Variants in CDK14 observed in about 807,000 individuals in gnomAD.
CDK14 encodes the protein cyclin dependent kinase 14, also known as cyclin-dependent kinase 14.
CDK14 carries 34 observed loss-of-function variants against 60.7 expected under a neutral mutation model. That is an observed-to-expected ratio of 0.56 (90% CI 0.43 to 0.75). The LOEUF (loss-of-function observed/expected upper bound fraction) is 0.75. CDK14 is among the 30% of genes least tolerant of loss of function. The pLI is 0.00. For synonymous variants in CDK14, 197 were observed against 203.7 expected, an observed-to-expected ratio of 0.97 and a Z score of 0.28; for missense variants, 482 against 564.1, an observed-to-expected ratio of 0.85 and a Z score of 1.47.
intron 3 of CDK14, among the ~76,000 whole-genome samples, chr7:90,729,199 C>A (rs1389742221): frequency 6.6e-6 from 1 of 151,898 alleles, no homozygotes; most frequent in African/African-American, 2.4e-5. Context: ...GCAAAGACCT[C>A]CACCTTAAAT....
At position 90,872,140 on chromosome 7, in the gene CDK14, C is replaced by T. The variant is rs112010505; in HGVS notation, c.639+8871C>T. On this transcript the variant is annotated intron_variant, in intron 6 of 14. Coordinates refer to ENST00000380050, the MANE Select transcript of CDK14 (RefSeq NM_001287135.2). ...TCATGTGAAGAACTGTGATCTTAGA[C>T]GAGGTAAACCTCCATAAGCCATTTG... Among the ~76,000 whole-genome samples, 8 of 152,258 alleles carry T rather than the reference C, an allele frequency of 5.3e-5. No individual in the cohort carries two copies. The East Asian group carries it at 5.8e-4, about 11-fold the overall frequency.
intron 5 of CDK14, among the ~76,000 whole-genome samples, chr7:90,821,666 T>C (rs1269552867): frequency 6.6e-6 from 1 of 152,216 alleles, no homozygotes; most frequent in Non-Finnish European, 1.5e-5. Context: ...AGCTCCACAA[T>C]GTTCACCACA....
At chr7:90,669,496 A>G (rs1034118113) in intron 2 of CDK14, among the ~76,000 whole-genome samples, 2 of 152,238 alleles carry the variant, frequency 1.3e-5, no homozygotes, top group African/African-American at 4.8e-5. Context: ...AGAGATACCT[A>G]TAATTAGTGA....
At chr7:91,047,188 A>G (rs1329595156) in intron 11 of CDK14, among the ~76,000 whole-genome samples, 1 of 152,210 alleles carries the variant, frequency 6.6e-6, no homozygotes, top group Non-Finnish European at 1.5e-5. Flanking sequence ...GTGGGCTCTT[A>G]AAGAAGGTTA....
chr7:91,094,380 G>C (rs1798919362), intron 12 of CDK14, among the ~76,000 whole-genome samples: 1 of 152,090 alleles, frequency 6.6e-6, no homozygotes, highest in African/African-American at 2.4e-5. Flanking sequence ...AGTCCATTTA[G>C]TAAGGTCAGT....
intron 5 of CDK14, among the ~76,000 whole-genome samples, chr7:90,807,139 C>G: frequency 6.6e-6 from 1 of 152,328 alleles, no homozygotes; most frequent in South Asian, 2.1e-4. Context: ...CAGCACGCAG[C>G]TGGAGATCTG....
chr7:90,649,795 C>CT (rs1432642973), intron 2 of CDK14, among the ~76,000 whole-genome samples: 1 of 152,092 alleles, frequency 6.6e-6, no homozygotes, highest in East Asian at 1.9e-4. Context: ...TGAACTCATC[C>CT]TTTTTTATGG....
intron 2 of CDK14, among the ~76,000 whole-genome samples, chr7:90,622,121 G>C (rs1182859498): frequency 1.3e-5 from 2 of 152,252 alleles, no homozygotes; most frequent in African/African-American, 2.4e-5. Flanking sequence ...TACAATGGAA[G>C]TGCTGCAAGC....
chr7:90,888,274 C>T lies in CDK14; in HGVS notation c.640-11017C>T, dbSNP rs148679790. Among the ~76,000 whole-genome samples, 770 of 152,096 alleles carry T rather than the reference C, an allele frequency of 5.1e-3. 7 individuals are homozygous for T. The highest frequency in any genetic ancestry group is 0.03 in the East Asian group (153 of 5,170). ...CTGAGGCAGGAGAATCGCTTGAACC[C>T]GGAAGGCAGAGGTTCCAGTAAGCTG... On this transcript the variant is annotated intron_variant, in intron 6 of 14. Coordinates refer to ENST00000380050, the MANE Select transcript of CDK14 (RefSeq NM_001287135.2).
intron 14 of CDK14, among the ~76,000 whole-genome samples, chr7:91,198,955 T>A (rs1802633727): frequency 6.6e-6 from 1 of 152,212 alleles, no homozygotes; most frequent in Admixed American, 6.5e-5. Context: ...TTTTTAGTTG[T>A]TTTATGAGAT....
intron 5 of CDK14, among the ~76,000 whole-genome samples, chr7:90,807,483 G>A (rs1350094868): frequency 2.0e-5 from 3 of 152,162 alleles, no homozygotes; most frequent in African/African-American, 7.2e-5. Context: ...CATCATCAAA[G>A]ACCAAAGGTA....
At chr7:91,127,011 T>C (rs1439442413) in intron 14 of CDK14, among the ~76,000 whole-genome samples, 1 of 152,106 alleles carries the variant, frequency 6.6e-6, no homozygotes, top group African/African-American at 2.4e-5. Context: ...GGAAATGTCA[T>C]GACTTCGAGG....
chr7:91,008,538 C>T (rs1796059072), intron 10 of CDK14, among the ~76,000 whole-genome samples: 1 of 152,080 alleles, frequency 6.6e-6, no homozygotes, highest in Non-Finnish European at 1.5e-5. Flanking sequence ...CCCCCAAATG[C>T]CTATTATTTG....
intron 14 of CDK14, among the ~76,000 whole-genome samples, chr7:91,177,488 G>A (rs1452686253): frequency 5.3e-5 from 8 of 151,720 alleles, no homozygotes; most frequent in African/African-American, 1.9e-4. Context: ...GGAAATAAAG[G>A]GTATTCAATT....
At chr7:90,720,465 A>T (rs547426712) in intron 2 of CDK14, among the ~76,000 whole-genome samples, 2 of 152,316 alleles carry the variant, frequency 1.3e-5, no homozygotes, top group African/African-American at 4.8e-5. Context: ...CCAAGTGCCC[A>T]CATCTTTAAG....
intron 8 of CDK14, 89 bp downstream of exon 8, chr7:90,917,813 T>C (rs1793126638): frequency 3.1e-6 from 4 of 1,304,330 alleles, no homozygotes; most frequent in African/African-American, 3.0e-5. Flanking sequence ...GGTGCACTTC[T>C]TCTATCATCA....
intron 4 of CDK14, among the ~76,000 whole-genome samples, chr7:90,788,756 C>T (rs951318758): frequency 3.3e-5 from 5 of 152,050 alleles, no homozygotes; most frequent in African/African-American, 9.7e-5. Flanking sequence ...AAAAAAGAGA[C>T]ATTCAAATTC....
chr7:90,634,980 G>A (rs1219664985), intron 2 of CDK14, among the ~76,000 whole-genome samples: 9 of 152,042 alleles, frequency 5.9e-5, no homozygotes, highest in African/African-American at 2.2e-4. Context: ...TGATGGGGTT[G>A]TTTGTTTTTT....
intron 6 of CDK14, among the ~76,000 whole-genome samples, chr7:90,889,029 T>C (rs1220596842): frequency 1.3e-5 from 2 of 152,266 alleles, no homozygotes; most frequent in East Asian, 1.9e-4. Flanking sequence ...TTCTACAGAA[T>C]GGTTTACTTC....
Sources: gnomAD v4.1 joint callset for allele counts (sites outside exome capture counted in the v4.1 genomes callset) on GRCh38, gnomAD v4.1.1 for gene constraint, MANE v1.5 for transcripts, NCBI Gene and HGNC (gene_info 2026-07-23, HGNC 2026-07-21) for gene names.